The following BMP1 variants were observed in gnomAD, a reference collection of about 807,000 sequenced individuals.
BMP1 encodes mammalian tolloid protein.
Under a neutral mutation model 116.8 loss-of-function variants are expected in BMP1, and 63 were observed. That is an observed-to-expected ratio of 0.54 (90% CI 0.44 to 0.67). BMP1 has a LOEUF of 0.67. Among genes scored for constraint, BMP1 ranks in the 30% least tolerant of loss-of-function variants. The pLI is 0.00. For synonymous variants in BMP1, 536 were observed against 533.4 expected, an observed-to-expected ratio of 1.00 and a Z score of -0.07; for missense variants, 1,183 against 1,358.9, an observed-to-expected ratio of 0.87 and a Z score of 2.04.
chr8:22,178,752 C>A (rs1347447667), intron 6 of BMP1, among the ~76,000 whole-genome samples: 3 of 152,062 alleles, frequency 2.0e-5, no homozygotes, highest in Non-Finnish European at 4.4e-5. Context: ...TCCCCTCCCC[C>A]AAGATTCTCC....
intron 1 of BMP1, 40 bp downstream of exon 1, chr8:22,165,593 G>C: frequency 6.5e-7 from 1 of 1,538,686 alleles, no homozygotes; most frequent in South Asian, 1.2e-5. Context: ...GCCAGGCGGG[G>C]AGGCGCGGGC....
chr8:22,178,551 C>T (rs1306240983), intron 6 of BMP1, among the ~76,000 whole-genome samples: 1 of 149,078 alleles, frequency 6.7e-6, no homozygotes, highest in African/African-American at 2.6e-5. Flanking sequence ...GCTGAGATTA[C>T]AGGCGCGAGC....
In BMP1 at chr8:22,197,270, A is replaced by T; in HGVS notation, c.1957A>T (p.Ser653Cys). The T allele has an allele frequency of 6.2e-7, 1 of 1,613,448 alleles. No individual in the cohort carries two copies. The highest frequency in any genetic ancestry group is 8.5e-7 in the Non-Finnish European group (1 of 1,179,432). The change falls in exon 15 of 20, where the codon AGT becomes TGT. Residue 653 changes from serine (S) to cysteine (C), a missense_variant. By Grantham distance (112) the Ser-to-Cys change is moderately radical. This residue lies in a region of BMP1 where 956 missense variants were observed against 1,135.2 expected (regional missense o/e 0.84). Transcript: ENST00000306385. ...VCKYDFVEVR[S>C]GLTADSKLHG... ...CAAGTACGACTTCGTGGAGGTGCGC[A>T]GTGGACTCACAGCTGACTCCAAGCT...
chr8:22,166,060 C>T (rs1035297628), intron 1 of BMP1, among the ~76,000 whole-genome samples: 1 of 152,050 alleles, frequency 6.6e-6, no homozygotes, highest in African/African-American at 2.4e-5. Flanking sequence ...GGTCCCCCAG[C>T]CACCACCCAG....
chr8:22,194,972 C>A lies in BMP1; in HGVS notation c.1639+53C>A. 6.6e-7 allele frequency: 1 copy of A among 1,510,678 alleles called. No individual in the cohort carries two copies. The highest frequency in any genetic ancestry group is 1.3e-5 in the South Asian group (1 of 78,802). The allele number at this position is 1,510,678 out of a possible 1,614,324, so 93.6% of individuals were successfully genotyped here. ...CCAAGGTGCCTCGTGACCTTCATCC[C>A]TTCTTCACTCACTCATTCAACACGG... On this transcript the variant is annotated intron_variant, in intron 12 of 19. Transcript: ENST00000306385. This position sits in a 1 kb window ranked among gnomAD's most constrained non-coding sequence, Gnocchi z 4.5.
At chr8:22,180,247 C>T (rs996990328) in intron 7 of BMP1, 121 bp from the exon 8 acceptor site, 5 of 785,226 alleles carry the variant, frequency 6.4e-6, no homozygotes, top group Admixed American at 1.9e-5. Flanking sequence ...TTGCAGACAC[C>T]CTCCCACTCC....
chr8:22,211,893 C>A lies in BMP1; in HGVS notation c.*165C>A. On this transcript the variant is annotated 3_prime_UTR_variant, in exon 20 of 20. Transcript: ENST00000306385. ...GTCCATAGGAGGTGGGGGAACTGGA[C>A]TCCGGCATAAGCCACTTCCCCACAA... 1 of 1,065,608 alleles carries A rather than the reference C, an allele frequency of 9.4e-7. No individual in the cohort carries two copies. The highest frequency in any genetic ancestry group is 1.3e-6 in the Non-Finnish European group (1 of 753,034). 66.0% of individuals were successfully genotyped at this position (1,065,608 alleles called of 1,614,324 possible).
At chr8:22,169,556 C>T (rs1020776461) in intron 1 of BMP1, 1 of 152,292 alleles carries the variant, frequency 6.6e-6, no homozygotes, top group African/African-American at 2.4e-5. Flanking sequence ...TTCCTGAGTA[C>T]ATGCAGGCAT....
chr8:22,167,941 C>G (rs1365492108), intron 1 of BMP1, among the ~76,000 whole-genome samples: 1 of 152,146 alleles, frequency 6.6e-6, no homozygotes. Flanking sequence ...CTTCCTGTAT[C>G]CTCTGCAGCC....
chr8:22,201,070 T>TG, intron 15 of BMP1: 5 of 992,648 alleles, frequency 5.0e-6, no homozygotes, highest in East Asian at 5.9e-5. Flanking sequence ...GTCCCTGCCC[T>TG]CCACCCCCAC....
At chr8:22,206,778 G>A in intron 16 of BMP1, 76 bp from the exon 17 acceptor site, 3 of 1,590,442 alleles carry the variant, frequency 1.9e-6, no homozygotes, top group Non-Finnish European at 2.6e-6. Flanking sequence ...GGGGCAGGAG[G>A]GAAGGGCCTT....
Position 22,173,721 on chromosome 8 carries a change from C to T in BMP1, c.262+6C>T, listed in dbSNP as rs1487507895. On this transcript the variant is annotated splice_donor_region_variant and intron_variant, in intron 2 of 19. Coordinates refer to ENST00000306385, the MANE Select transcript of BMP1 (RefSeq NM_006129.5). The stretch of plus-strand genomic sequence containing the variant: ...GTCCTCCATCAAAGCTGCAGGTAAG[C>T]CGGGTGCCAATGGGCCCTCTGTGTC... The T allele has an allele frequency of 1.9e-6, 3 of 1,605,016 alleles. No individual in the cohort carries two copies. The South Asian group carries it at 3.3e-5, about 18-fold the overall frequency.
At chr8:22,208,126 C>CAG (rs1563281719) in intron 18 of BMP1, among the ~76,000 whole-genome samples, 7 of 152,144 alleles carry the variant, frequency 4.6e-5, no homozygotes, top group Non-Finnish European at 1.0e-4. Context: ...TCAGGTGATC[C>CAG]GCCCGCCTTG....
At chr8:22,210,502 G>C (rs1000282013) in intron 19 of BMP1, among the ~76,000 whole-genome samples, 5 of 140,750 alleles carry the variant, frequency 3.6e-5, no homozygotes, top group Admixed American at 1.4e-4. Flanking sequence ...ACACCCACTT[G>C]CATGCACTTT....
chr8:22,207,229 T>C, intron 17 of BMP1, 74 bp from the exon 18 acceptor site: 1 of 1,505,914 alleles, frequency 6.6e-7, no homozygotes, highest in South Asian at 1.2e-5. Context: ...GAGGCCTAGG[T>C]TTGGGGCCCT....
At chr8:22,202,524 T>C (rs1472122322) in intron 16 of BMP1, among the ~76,000 whole-genome samples, 1 of 152,232 alleles carries the variant, frequency 6.6e-6, no homozygotes, top group Non-Finnish European at 1.5e-5. Context: ...GGCCACTGCC[T>C]TCCTGGCAGT....
At chr8:22,169,639 G>C (rs546191919) in intron 1 of BMP1, 1 of 152,256 alleles carries the variant, frequency 6.6e-6, no homozygotes, top group Non-Finnish European at 1.5e-5. Flanking sequence ...AGGGGTTTGA[G>C]TGTGTCATCC....
chr8:22,167,083 A>G (rs1379834742), intron 1 of BMP1, among the ~76,000 whole-genome samples: 1 of 152,224 alleles, frequency 6.6e-6, no homozygotes, highest in African/African-American at 2.4e-5. Context: ...TGCTTAACAC[A>G]CAGTCAGCGC....
chr8:22,190,397 G>T (rs1217938327), intron 8 of BMP1, among the ~76,000 whole-genome samples: 1 of 152,214 alleles, frequency 6.6e-6, no homozygotes, highest in Non-Finnish European at 1.5e-5. Flanking sequence ...AGTAGATGGG[G>T]GTGACCGGCA....
Sources: allele counts gnomAD v4.1 joint callset (sites outside exome capture counted in the v4.1 genomes callset), GRCh38; gene constraint gnomAD v4.1.1; regional missense constraint gnomAD v4.1.1; non-coding constraint Gnocchi (gnomAD v3.1); transcripts MANE v1.5; gene names NCBI Gene and HGNC (gene_info 2026-07-23, HGNC 2026-07-21).